HDAC9: variants seen among roughly 807,000 people sequenced by gnomAD.
HDAC9 encodes histone deacetylase 9, also known as MEF-2 interacting transcription repressor (MITR) protein.
HDAC9 carries 41 observed loss-of-function variants against 139.4 expected under a neutral mutation model. The ratio of observed to expected loss-of-function variants is 0.29; its 90% CI spans 0.23 to 0.38. HDAC9 has a LOEUF of 0.38. Among genes scored for constraint, HDAC9 ranks in the 10% least tolerant of loss-of-function variants. HDAC9 has a pLI of 1.00. For missense variants in HDAC9, 1,147 were observed against 1,297.0 expected (o/e 0.88, Z 1.78); for synonymous variants, 517 against 476.2 (o/e 1.09, Z -1.12).
intron 25 of HDAC9, among the ~76,000 whole-genome samples, chr7:18,984,821 T>TGAGTA (rs1245431051): frequency 2.6e-5 from 4 of 152,126 alleles, no homozygotes; most frequent in African/African-American, 4.8e-5. Context: ...AAACTAGGGT[T>TGAGTA]GAGTAATGGT....
At chr7:18,242,083 C>G (rs1462434384) in intron 2 of HDAC9, among the ~76,000 whole-genome samples, 3 of 152,118 alleles carry the variant, frequency 2.0e-5, no homozygotes, top group Non-Finnish European at 4.4e-5. Flanking sequence ...CATGCATTTC[C>G]CCAGTCCATG....
intron 17 of HDAC9, among the ~76,000 whole-genome samples, chr7:18,798,673 C>T (rs914178134): frequency 6.6e-6 from 1 of 152,180 alleles, no homozygotes; most frequent in Non-Finnish European, 1.5e-5. Context: ...ATGAGGTTTT[C>T]ACACAGTGTG....
At chr7:18,112,297 G>A (rs970793748) in intron 1 of HDAC9, among the ~76,000 whole-genome samples, 5 of 152,114 alleles carry the variant, frequency 3.3e-5, no homozygotes, top group African/African-American at 1.2e-4. Context: ...GCCACAAATC[G>A]GAGATTTTGT....
chr7:18,748,958 T>C (rs751026153), intron 13 of HDAC9, 47 bp from the exon 14 acceptor site: 2 of 1,572,432 alleles, frequency 1.3e-6, no homozygotes, highest in Non-Finnish European at 1.7e-6. Flanking sequence ...TGTGTCATTA[T>C]CTTGTACTGT....
intron 8 of HDAC9, among the ~76,000 whole-genome samples, chr7:18,643,058 C>G (rs1341350506): frequency 1.3e-5 from 2 of 152,020 alleles, no homozygotes; most frequent in Non-Finnish European, 2.9e-5. Flanking sequence ...TTTTAAATTA[C>G]TATTTACTGC....
At chr7:18,123,775 T>C (rs1310465841) in intron 1 of HDAC9, among the ~76,000 whole-genome samples, 2 of 152,190 alleles carry the variant, frequency 1.3e-5, no homozygotes, top group Non-Finnish European at 1.5e-5. Context: ...CAAGAGACTA[T>C]TGAACTTGAA....
In HDAC9 at chr7:18,356,358, G is replaced by GTTTTTTTTT. The variant is rs5882659; in HGVS notation, c.-42+65862_-42+65870dup. Among the ~76,000 whole-genome samples, 243 of 55,154 alleles carry GTTTTTTTTT rather than the reference G, an allele frequency of 4.4e-3. 27 individuals carry two copies. The highest frequency in any genetic ancestry group is 0.011 in the African/African-American group (159 of 14,040). 36.2% of individuals were successfully genotyped at this position (55,154 alleles called of 152,430 possible). On this transcript the variant is annotated intron_variant, in intron 1 of 3. Transcript: ENST00000413509. ...GTAGCCTCTAGAGGGCAGCACATAGGTTTTTTTTTTTTTTTTTTTTTTTTT... is the reference window on the plus strand; with the variant it reads ...GTAGCCTCTAGAGGGCAGCACATAGGTTTTTTTTTTTTTTTTTTTTTTTTTTTTTTTTTT...
At chr7:18,688,098 C>G (rs1782406180) in intron 12 of HDAC9, among the ~76,000 whole-genome samples, 1 of 151,688 alleles carries the variant, frequency 6.6e-6, no homozygotes, top group African/African-American at 2.4e-5. Context: ...TATATATGAG[C>G]TATGTCTATA....
Position 18,727,742 on chromosome 7 carries a change from C to A in HDAC9, c.1894C>A (p.Pro632Thr). ...CCCAGCAATGGACCGCCCCCTCCAG[C>A]CTGGCTCTGCAACTGGTAGGAATCC... ...PHPAMDRPLQ[P>T]GSATGIAYDP... Residue 632 changes from proline to threonine, a missense_variant, in exon 13 of 26, where the codon CCT (proline) becomes ACT (threonine). This residue lies in a region of HDAC9 where 256 missense variants were observed against 219.2 expected (regional missense o/e 1.17). Coordinates refer to ENST00000686413, the MANE Select transcript of HDAC9 (RefSeq NM_178425.4). 2 of 1,532,576 alleles carry A rather than the reference C, an allele frequency of 1.3e-6. No homozygotes were observed. Among genetic ancestry groups the A allele is most frequent in the Non-Finnish European group, 1.7e-6 (2 of 1,148,500 alleles). 94.9% of individuals were successfully genotyped at this position (1,532,576 alleles called of 1,614,324 possible).
intron 2 of HDAC9, among the ~76,000 whole-genome samples, chr7:18,280,405 T>C (rs1797024862): frequency 6.6e-6 from 1 of 152,066 alleles, no homozygotes; most frequent in Non-Finnish European, 1.5e-5. Flanking sequence ...CTGACCAACA[T>C]GGTGAAACCC....
At chr7:18,692,171 A>G (rs1354387402) in intron 12 of HDAC9, among the ~76,000 whole-genome samples, 1 of 152,110 alleles carries the variant, frequency 6.6e-6, no homozygotes, top group East Asian at 1.9e-4. Flanking sequence ...AAGAATACTC[A>G]GAAGGAAAAA....
intron 2 of HDAC9, among the ~76,000 whole-genome samples, chr7:18,217,599 G>A (rs1360480832): frequency 2.0e-5 from 3 of 152,116 alleles, no homozygotes; most frequent in African/African-American, 4.8e-5. Flanking sequence ...TAACATAGGT[G>A]TGCTATCCAT....
chr7:18,427,531 A>G (rs1790230994), intron 1 of HDAC9, among the ~76,000 whole-genome samples: 1 of 151,744 alleles, frequency 6.6e-6, no homozygotes, highest in Admixed American at 6.6e-5. Flanking sequence ...CAATCAATCT[A>G]TCTTTGAATC....
intron 2 of HDAC9, among the ~76,000 whole-genome samples, chr7:18,542,132 G>A (rs920867384): frequency 6.6e-6 from 1 of 152,048 alleles, no homozygotes; most frequent in Non-Finnish European, 1.5e-5. Flanking sequence ...AGACCCCGGG[G>A]CAATAAAATC....
chr7:18,335,252 A>C (rs534044949), intron 1 of HDAC9, among the ~76,000 whole-genome samples: 49 of 151,726 alleles, frequency 3.2e-4, no homozygotes, highest in Middle Eastern at 3.4e-3. Flanking sequence ...AAATACATGT[A>C]ATGCAGGGCA....
chr7:18,752,101 T>C (rs2129148995), intron 14 of HDAC9, among the ~76,000 whole-genome samples: 1 of 152,302 alleles, frequency 6.6e-6, no homozygotes, highest in South Asian at 2.1e-4. Context: ...TTCTATTTCA[T>C]GCCAAATTAT....
At chr7:18,470,654 GA>G (rs1046853140) in intron 1 of HDAC9, among the ~76,000 whole-genome samples, 4 of 151,910 alleles carry the variant, frequency 2.6e-5, no homozygotes, top group Non-Finnish European at 5.9e-5. Flanking sequence ...TTTTTAGCAG[GA>G]AAAAAACCAT....
intron 1 of HDAC9, among the ~76,000 whole-genome samples, chr7:18,326,386 A>G (rs1800446931): frequency 6.6e-6 from 1 of 152,128 alleles, no homozygotes. Context: ...ATTGTTTGAA[A>G]GAAGTAGATG....
rs141754180 is a variant in HDAC9, at chr7:18,757,740, C to T, written c.2044-4417C>T. 1.6e-3 allele frequency among the ~76,000 whole-genome samples: 242 copies of T among 152,026 alleles called. 1 individual carries two copies. The highest frequency in any genetic ancestry group is 5.6e-3 in the African/African-American group (234 of 41,480). On this transcript the variant is annotated intron_variant, in intron 14 of 25. Coordinates refer to ENST00000686413, the MANE Select transcript of HDAC9 (RefSeq NM_178425.4). The stretch of plus-strand genomic sequence containing the variant: ...TATGAATCTATATCGTGTGTGTGCT[C>T]TGTGTGTGGGTGGGTGTGGGTAGGC...
Sources: allele counts gnomAD v4.1 joint callset (sites outside exome capture counted in the v4.1 genomes callset), GRCh38; gene constraint gnomAD v4.1.1; regional missense constraint gnomAD v4.1.1; transcripts MANE v1.5; gene names NCBI Gene and HGNC (gene_info 2026-07-23, HGNC 2026-07-21).